The following RNF220 variants were observed in gnomAD, a reference collection of about 807,000 sequenced individuals.
RNF220 encodes ring finger protein 220, also known as E3 ubiquitin-protein ligase RNF220.
In RNF220, 7 loss-of-function variants were observed where a neutral mutation model predicts 67.1. The observed-to-expected ratio is 0.10, with a 90% CI of 0.06 to 0.20. The LOEUF (loss-of-function observed/expected upper bound fraction) is 0.20, where lower values mean the gene tolerates loss of function less well. Among genes scored for constraint, RNF220 ranks in the 10% least tolerant of loss-of-function variants. The pLI is 1.00. For missense variants in RNF220, 565 were observed against 740.3 expected, an observed-to-expected ratio of 0.76 and a Z score of 2.75; for synonymous variants, 270 against 283.2, an observed-to-expected ratio of 0.95 and a Z score of 0.47.
intron 2 of RNF220, among the ~76,000 whole-genome samples, chr1:44,523,134 G>A (rs1660071731): frequency 6.6e-6 from 1 of 152,234 alleles, no homozygotes; most frequent in Non-Finnish European, 1.5e-5. Flanking sequence ...GATGGTGAGT[G>A]TGGGAATGTT....
chr1:44,526,628 T>C (rs527370321), intron 2 of RNF220, among the ~76,000 whole-genome samples: 5 of 152,264 alleles, frequency 3.3e-5, no homozygotes, highest in Admixed American at 1.3e-4. Flanking sequence ...ATCTCTTCTC[T>C]CACATTTTAA....
intron 1 of RNF220, among the ~76,000 whole-genome samples, chr1:44,411,225 T>G (rs781544090): frequency 6.6e-6 from 1 of 152,216 alleles, no homozygotes; most frequent in Non-Finnish European, 1.5e-5. Context: ...GTTTTAAGTG[T>G]TGTCAGAGAC....
At chr1:44,465,828 T>G (rs1038639859) in intron 2 of RNF220, among the ~76,000 whole-genome samples, 2 of 152,230 alleles carry the variant, frequency 1.3e-5, no homozygotes, top group Non-Finnish European at 2.9e-5. Context: ...AATATTTCAT[T>G]GCTTAAAAAT....
At chr1:44,449,571 G>A (rs1184302111) in intron 2 of RNF220, among the ~76,000 whole-genome samples, 9 of 152,008 alleles carry the variant, frequency 5.9e-5, no homozygotes, top group Non-Finnish European at 4.4e-5. Context: ...GTGCCACCAT[G>A]CCCAGCTAAT....
chr1:44,550,958 C>T lies in RNF220; in HGVS notation c.626-63207C>T, dbSNP rs75772320. Reference sequence around the variant, plus strand: ...CTTTCCAGAGCCCAGATCCATCACTCAGGCATTCAGGGGATTTGGATATCT... The same window carrying T: ...CTTTCCAGAGCCCAGATCCATCACTTAGGCATTCAGGGGATTTGGATATCT... On this transcript the variant is annotated intron_variant, in intron 2 of 14. Transcript: ENST00000361799. 3.9e-5 allele frequency among the ~76,000 whole-genome samples: 6 copies of T among 152,048 alleles called. No homozygotes were observed. The South Asian group carries it at 1.2e-3, about 32-fold the overall frequency.
chr1:44,642,363 T>C (rs998978926), intron 8 of RNF220, among the ~76,000 whole-genome samples: 12 of 152,070 alleles, frequency 7.9e-5, no homozygotes, highest in East Asian at 1.9e-4. Flanking sequence ...AAGAATGGCA[T>C]TGAGGTGAGA....
At chr1:44,637,693 C>A (rs117942875) in intron 8 of RNF220, among the ~76,000 whole-genome samples, 1 of 152,262 alleles carries the variant, frequency 6.6e-6, no homozygotes, top group Admixed American at 6.5e-5. Flanking sequence ...TGCACTTGCA[C>A]AGCAGTGTGA....
At chr1:44,563,347 G>T (rs773567538) in intron 2 of RNF220, among the ~76,000 whole-genome samples, 3 of 152,220 alleles carry the variant, frequency 2.0e-5, no homozygotes, top group Non-Finnish European at 2.9e-5. Context: ...GGTGGCTGAA[G>T]TGGCACAGTA....
At chr1:44,611,300 G>A (rs1643297092) in intron 2 of RNF220, among the ~76,000 whole-genome samples, 1 of 152,244 alleles carries the variant, frequency 6.6e-6, no homozygotes, top group Non-Finnish European at 1.5e-5. Flanking sequence ...GCTCAGAAAA[G>A]TAGAATGTCC....
intron 8 of RNF220, among the ~76,000 whole-genome samples, chr1:44,637,995 C>T (rs1557469130): frequency 6.6e-6 from 1 of 152,218 alleles, no homozygotes; most frequent in Non-Finnish European, 1.5e-5. Context: ...GCGGGGGCCA[C>T]GAGGCAGAGA....
chr1:44,471,426 C>G (rs1039253586), intron 2 of RNF220, among the ~76,000 whole-genome samples: 6 of 151,916 alleles, frequency 3.9e-5, no homozygotes, highest in Admixed American at 3.9e-4. Context: ...GACTCCATCT[C>G]AAAATAAAAT....
At chr1:44,470,750 C>G (rs1654732541) in intron 2 of RNF220, among the ~76,000 whole-genome samples, 1 of 152,186 alleles carries the variant, frequency 6.6e-6, no homozygotes, top group African/African-American at 2.4e-5. Context: ...TAGCTGGACC[C>G]TTCTGTCCTT....
At chr1:44,577,838 CTTT>C (rs35754102) in intron 2 of RNF220, among the ~76,000 whole-genome samples, 8 of 140,326 alleles carry the variant, frequency 5.7e-5, no homozygotes, top group South Asian at 2.3e-4. Flanking sequence ...TGTCAAATGC[CTTT>C]TTTTTTTTTT....
chr1:44,475,572 A>AT (rs1262994818), intron 2 of RNF220, among the ~76,000 whole-genome samples: 1 of 151,090 alleles, frequency 6.6e-6, no homozygotes, highest in African/African-American at 2.4e-5. Context: ...CGGTCTCAAA[A>AT]AAAAAAAAAA....
intron 2 of RNF220, among the ~76,000 whole-genome samples, chr1:44,575,651 A>T (rs191487362): frequency 6.6e-6 from 1 of 152,362 alleles, no homozygotes; most frequent in Non-Finnish European, 1.5e-5. Context: ...AAAAAGTAAC[A>T]GATGCTGGCA....
intron 2 of RNF220, among the ~76,000 whole-genome samples, chr1:44,453,745 T>C (rs1030955924): frequency 3.9e-5 from 6 of 152,214 alleles, no homozygotes; most frequent in African/African-American, 1.4e-4. Context: ...CTTCTTTATT[T>C]ATGCTATCTT....
At chr1:44,418,410 C>A (rs570314565) in intron 2 of RNF220, among the ~76,000 whole-genome samples, 25 of 152,320 alleles carry the variant, frequency 1.6e-4, no homozygotes, top group African/African-American at 5.8e-4. Flanking sequence ...CTTTTCAAAT[C>A]TGTAAAAATG....
rs1011918501 is a variant in RNF220, at chr1:44,622,641, G to A, written c.759-101G>A. ...TTGGCTGAGCTGGGCTGGGCTAGGC[G>A]GTCTATGCCTTCTCTGTCTTTGGGG... is the stretch of plus-strand genomic sequence containing the variant. On this transcript the variant is annotated intron_variant, in intron 3 of 14. Transcript: ENST00000361799. This position sits in a 1 kb window ranked among gnomAD's most constrained non-coding sequence, Gnocchi z 4.3. 23 of 1,036,616 alleles carry A rather than the reference G, an allele frequency of 2.2e-5. No individual in the cohort carries two copies. The highest frequency in any genetic ancestry group is 4.8e-4 in the Middle Eastern group (2 of 4,160). The allele number at this position is 1,036,616 out of a possible 1,614,324, so 64.2% of individuals were successfully genotyped here.
Position 44,434,714 on chromosome 1 carries a change from T to TA in RNF220, c.625+22007dup, listed in dbSNP as rs56088540. Among the ~76,000 whole-genome samples the TA allele has an allele frequency of 7.0e-3, 1,007 of 142,922 alleles. 11 individuals are homozygous for TA. Among genetic ancestry groups the TA allele is most frequent in the African/African-American group, 0.024 (904 of 38,190 alleles). 93.8% of individuals were successfully genotyped at this position (142,922 alleles called of 152,430 possible). A position where few individuals can be genotyped will look rare whatever the true frequency, so the allele number is the denominator to read the frequency against. On this transcript the variant is annotated intron_variant, in intron 2 of 14. Coordinates refer to ENST00000361799, the MANE Select transcript of RNF220 (RefSeq NM_018150.4). ...CCTGGGCGACAGAGCGAGACTCTCT[T>TA]AAAAAAAAAAAAAAAGATTACTTTG...
Sources: allele counts gnomAD v4.1 joint callset (sites outside exome capture counted in the v4.1 genomes callset), GRCh38; gene constraint gnomAD v4.1.1; non-coding constraint Gnocchi (gnomAD v3.1); transcripts MANE v1.5; gene names NCBI Gene and HGNC (gene_info 2026-07-23, HGNC 2026-07-21).